Variants in POLN observed in about 807,000 individuals in gnomAD.
POLN encodes the protein DNA polymerase nu.
A neutral mutation model predicts 113.5 loss-of-function variants in POLN; 108 were observed. The observed-to-expected ratio is 0.95, with a 90% CI of 0.81 to 1.12. The LOEUF (loss-of-function observed/expected upper bound fraction) is 1.12. Among genes scored for constraint, POLN ranks in the 50% most tolerant of loss-of-function variants. The pLI is 0.00. For missense variants in POLN, 1,097 were observed against 1,077.1 expected (o/e 1.02, Z -0.26); for synonymous variants, 386 against 391.5 (o/e 0.99, Z 0.17).
chr4:2,240,208 ATGGTGTCTG>A, intron 2 of POLN: 1 of 1,613,984 alleles, frequency 6.2e-7, no homozygotes, highest in Non-Finnish European at 8.5e-7. Flanking sequence ...TCACAAATAG[ATGGTGTCTG>A]TATATCTAAA....
At chr4:2,190,199 A>T (rs1733405246) in intron 7 of POLN, among the ~76,000 whole-genome samples, 1 of 152,132 alleles carries the variant, frequency 6.6e-6, no homozygotes, top group Admixed American at 6.5e-5. Flanking sequence ...CATGGTACTG[A>T]CATAAAACCG....
At chr4:2,233,918 CA>C (rs35857796) in intron 2 of POLN, among the ~76,000 whole-genome samples, 25,241 of 150,918 alleles carry the variant, frequency 0.17, 3,593 homozygotes, top group African/African-American at 0.37. Flanking sequence ...ATATCAAAGG[CA>C]AAAAAAAGTG....
intron 16 of POLN, among the ~76,000 whole-genome samples, chr4:2,138,952 T>C (rs1731927319): frequency 6.6e-6 from 1 of 151,466 alleles, no homozygotes; most frequent in Non-Finnish European, 1.5e-5. Flanking sequence ...TTTTTTTTTT[T>C]CCTGATATTC....
At chr4:2,135,980 G>A (rs1731847920) in intron 16 of POLN, among the ~76,000 whole-genome samples, 1 of 152,226 alleles carries the variant, frequency 6.6e-6, no homozygotes, top group Non-Finnish European at 1.5e-5. Flanking sequence ...AGCAAATGGT[G>A]ATATCTGAAT....
At chr4:2,080,734 G>C in intron 23 of POLN, 2 of 1,423,706 alleles carry the variant, frequency 1.4e-6, no homozygotes, top group East Asian at 2.6e-5. Context: ...CAGCATTTCT[G>C]TCTGGAGAGG....
chr4:2,116,487 C>T lies in POLN; in HGVS notation c.1982+11626G>A, dbSNP rs187556907. On this transcript the variant is annotated intron_variant, in intron 19 of 25. Coordinates refer to ENST00000511885, the MANE Select transcript of POLN (RefSeq NM_181808.4). ...TTTGGTTTGATTGTTAGAGTTACAA[C>T]GAATGTCTCATGGTTTTTTCCAGCT... Among the ~76,000 whole-genome samples the T allele has an allele frequency of 6.6e-5, 10 of 151,876 alleles. No individual in the cohort carries two copies. The East Asian group carries it at 9.7e-4, about 15-fold the overall frequency.
chr4:2,157,163 G>A (rs891319315), intron 15 of POLN, among the ~76,000 whole-genome samples: 7 of 152,188 alleles, frequency 4.6e-5, no homozygotes, highest in Non-Finnish European at 8.8e-5. Context: ...GTGCGGGCTC[G>A]AGGTGGGACT....
intron 20 of POLN, chr4:2,090,211 C>A: frequency 1.2e-6 from 1 of 823,990 alleles, no homozygotes. Flanking sequence ...CCTGTAGATA[C>A]TCTTCCCTCA....
intron 7 of POLN, among the ~76,000 whole-genome samples, chr4:2,184,579 A>G (rs900320295): frequency 3.1e-4 from 47 of 151,118 alleles, no homozygotes; most frequent in African/African-American, 1.1e-3. Flanking sequence ...TTAAAAAAAA[A>G]TACAAACATC....
chr4:2,174,754 G>A lies in POLN; in HGVS notation c.1249-3C>T. ...AATAGTTGCCATAAACCATAATCCT[G>A]TTTAATAGGAAGAAATAACATCAAC... On this transcript the variant is annotated splice_region_variant and splice_polypyrimidine_tract_variant and intron_variant, in intron 9 of 25. Transcript: ENST00000511885. 6.3e-7 allele frequency: 1 copy of A among 1,586,208 alleles called. No homozygotes were observed. Among genetic ancestry groups the A allele is most frequent in the East Asian group, 2.2e-5 (1 of 44,570 alleles).
At chr4:2,086,074 G>A (rs34712754) in intron 20 of POLN, among the ~76,000 whole-genome samples, 44 of 152,202 alleles carry the variant, frequency 2.9e-4, no homozygotes, top group Non-Finnish European at 4.7e-4. Context: ...CAGAGGAAAA[G>A]AGGAAGGGGA....
At chr4:2,087,753 A>C (rs1457968334) in intron 20 of POLN, among the ~76,000 whole-genome samples, 7 of 152,050 alleles carry the variant, frequency 4.6e-5, no homozygotes, top group Admixed American at 3.3e-4. Context: ...CTTCCTGTTT[A>C]GGAATTTGGG....
chr4:2,201,277 CAAAAAAAAAAAAAAAA>C (rs35399602), intron 5 of POLN, among the ~76,000 whole-genome samples: 1 of 15,834 alleles, frequency 6.3e-5, no homozygotes, highest in Non-Finnish European at 8.6e-5. Context: ...CCTACCACTC[CAAAAAAAAAAAAAAAA>C]AAAAAAAAAA....
At chr4:2,229,328 A>G in intron 2 of POLN, 85 bp from the exon 3 acceptor site, 5 of 1,067,686 alleles carry the variant, frequency 4.7e-6, no homozygotes, top group Non-Finnish European at 6.5e-6. Context: ...TCAAAAATTT[A>G]TATACCAACT....
intron 15 of POLN, 30 bp from the exon 16 acceptor site, chr4:2,156,883 C>T: frequency 6.5e-7 from 1 of 1,543,160 alleles, no homozygotes; most frequent in Non-Finnish European, 9.0e-7. Flanking sequence ...TCAGTGTAAA[C>T]TCCAGCAATG....
chr4:2,076,895 T>C (rs2108687147), intron 23 of POLN: 1 of 152,376 alleles, frequency 6.6e-6, no homozygotes, highest in East Asian at 1.9e-4. Context: ...CCTTTGTTGC[T>C]GGGTGGGGTG....
rs35462545 is a variant in POLN at position 2,092,704 on chromosome 4, T to C, written c.2065+3147A>G. On this transcript the variant is annotated intron_variant, in intron 20 of 25. Coordinates refer to ENST00000511885, the MANE Select transcript of POLN (RefSeq NM_181808.4). ...TGTGTAGGAATCATGCCTTGCCCCA[T>C]GCCCTCAGCATTTGTGGGCCGTTCA... Among the ~76,000 whole-genome samples the C allele has an allele frequency of 2.6e-5, 4 of 152,342 alleles. No individual in the cohort carries two copies. The East Asian group carries it at 7.7e-4, about 29-fold the overall frequency.
Position 2,126,678 on chromosome 4 carries a change from A to G in POLN, c.1982+1435T>C, listed in dbSNP as rs1731589894. 6.6e-6 allele frequency among the ~76,000 whole-genome samples: 1 copy of G among 152,090 alleles called. No homozygotes were observed. The highest frequency in any genetic ancestry group is 1.5e-5 in the Non-Finnish European group (1 of 67,998). On this transcript the variant is annotated intron_variant, in intron 19 of 25. Transcript: ENST00000511885. The surrounding 1 kb of genome is among the most constrained non-coding windows in gnomAD (Gnocchi z 4.6). ...TGCCCAGCATCAGGGGAGGGTGGTC[A>G]GGGGAGGGCCCTGAGGAGACGCCGG...
At chr4:2,161,212 C>T (rs2108742274) in intron 13 of POLN, among the ~76,000 whole-genome samples, 1 of 152,378 alleles carries the variant, frequency 6.6e-6, no homozygotes, top group Non-Finnish European at 1.5e-5. Context: ...TGTGGGAGCC[C>T]CTTTCTGGGC....
Sources: allele counts gnomAD v4.1 joint callset (sites outside exome capture counted in the v4.1 genomes callset), GRCh38; gene constraint gnomAD v4.1.1; non-coding constraint Gnocchi (gnomAD v3.1); transcripts MANE v1.5; gene names NCBI Gene and HGNC (gene_info 2026-07-23, HGNC 2026-07-21).